Variants in CBFB observed in about 807,000 individuals in gnomAD.
CBFB encodes the protein core-binding factor subunit beta, also known as CBF-beta.
Under a neutral mutation model 30.4 loss-of-function variants are expected in CBFB, and 9 were observed. That is an observed-to-expected ratio of 0.30 (90% confidence interval 0.18 to 0.52). The LOEUF is 0.52. Ranked by LOEUF, CBFB falls within the 20% of genes least tolerant of loss-of-function variation. CBFB has a pLI of 0.97. For missense variants in CBFB, 170 were observed against 244.0 expected (o/e 0.70, Z 2.02); for synonymous variants, 94 against 84.0 (o/e 1.12, Z -0.65).
intron 3 of CBFB, among the ~76,000 whole-genome samples, chr16:67,045,514 C>G (rs1409180278): frequency 1.3e-5 from 2 of 149,048 alleles, no homozygotes; most frequent in East Asian, 1.9e-4. Flanking sequence ...AAGACTCTGT[C>G]TGAAAAAAAA....
chr16:67,072,217 T>G (rs1240171118), intron 4 of CBFB, among the ~76,000 whole-genome samples: 1 of 152,212 alleles, frequency 6.6e-6, no homozygotes, highest in Non-Finnish European at 1.5e-5. Flanking sequence ...TTTATTATAT[T>G]GCTAGCCCTA....
intron 3 of CBFB, among the ~76,000 whole-genome samples, chr16:67,062,457 A>G (rs1178349955): frequency 6.6e-6 from 1 of 150,444 alleles, no homozygotes; most frequent in Non-Finnish European, 1.5e-5. Context: ...GGTGTGAGCC[A>G]CCGTGCCCAG....
intron 2 of CBFB, among the ~76,000 whole-genome samples, chr16:67,032,390 G>C (rs1165270805): frequency 6.6e-6 from 1 of 152,180 alleles, no homozygotes; most frequent in Non-Finnish European, 1.5e-5. Context: ...AAGTATTAAA[G>C]GTTAAAGAAG....
chr16:67,067,067 C>T (rs1961079700), intron 4 of CBFB: 1 of 232,278 alleles, frequency 4.3e-6, no homozygotes, highest in South Asian at 8.6e-5. Flanking sequence ...AATATTTATT[C>T]TTGATCTTTA....
chr16:67,095,546 T>C (rs1274011426), intron 5 of CBFB, among the ~76,000 whole-genome samples: 1 of 152,030 alleles, frequency 6.6e-6, no homozygotes, highest in African/African-American at 2.4e-5. Flanking sequence ...GTTGCAGTTA[T>C]CTAACATAGG....
At chr16:67,072,791 G>A (rs1002433318) in intron 4 of CBFB, among the ~76,000 whole-genome samples, 5 of 150,368 alleles carry the variant, frequency 3.3e-5, no homozygotes, top group African/African-American at 9.8e-5. Flanking sequence ...TTTTTTTAGC[G>A]ACAGAGTCTT....
intron 1 of CBFB, 80 bp from the exon 2 acceptor site, chr16:67,029,647 A>C: frequency 7.3e-7 from 1 of 1,374,010 alleles, no homozygotes; most frequent in Non-Finnish European, 1.0e-6. Context: ...GCTTGCCCTT[A>C]TCGGCGCTGC....
intron 3 of CBFB, among the ~76,000 whole-genome samples, chr16:67,043,972 A>G (rs1966579023): frequency 6.6e-6 from 1 of 152,254 alleles, no homozygotes; most frequent in South Asian, 2.1e-4. Context: ...TCTAGCTGTC[A>G]AAAGACAAGG....
intron 4 of CBFB, among the ~76,000 whole-genome samples, chr16:67,069,296 G>T (rs1375562692): frequency 6.6e-6 from 1 of 152,074 alleles, no homozygotes; most frequent in African/African-American, 2.4e-5. Context: ...CTTGGACCCA[G>T]GAGGCAGAGG....
intron 4 of CBFB, 64 bp downstream of exon 4, chr16:67,066,862 G>A: frequency 3.2e-6 from 3 of 928,918 alleles, no homozygotes; most frequent in Non-Finnish European, 5.2e-6. Context: ...CTTTGCCTGG[G>A]GACCTATTTT....
At chr16:67,085,899 C>T (rs1310188076) in intron 5 of CBFB, among the ~76,000 whole-genome samples, 3 of 151,680 alleles carry the variant, frequency 2.0e-5, no homozygotes, top group Non-Finnish European at 2.9e-5. Context: ...AGGATGGTCT[C>T]GATCTCCTGA....
chr16:67,039,478 A>G lies in CBFB; in HGVS notation c.282+2723A>G, dbSNP rs143205733. Among the ~76,000 whole-genome samples, 57 of 152,308 alleles carry G rather than the reference A, an allele frequency of 3.7e-4. 2 individuals are homozygous for G. The highest frequency in any genetic ancestry group is 3.7e-3 in the Admixed American group (57 of 15,304). On this transcript the variant is annotated intron_variant, in intron 3 of 5. Transcript: ENST00000412916. ...GCTTAGGCCGCACTAAATCTATAAA[A>G]ATTAAGCAATTGCACTGCAATGTTA...
intron 4 of CBFB, among the ~76,000 whole-genome samples, chr16:67,069,225 C>A (rs1187473671): frequency 6.6e-6 from 1 of 151,684 alleles, no homozygotes; most frequent in Non-Finnish European, 1.5e-5. Flanking sequence ...AAAAAAAACG[C>A]CGAGTGTTGT....
chr16:67,038,290 A>T (rs1030092269), intron 3 of CBFB, among the ~76,000 whole-genome samples: 25 of 151,682 alleles, frequency 1.6e-4, no homozygotes, highest in Admixed American at 3.3e-4. Flanking sequence ...GTGTGTATAT[A>T]TATATATACA....
chr16:67,064,650 C>G (rs1180971729), intron 3 of CBFB, among the ~76,000 whole-genome samples: 4 of 151,980 alleles, frequency 2.6e-5, no homozygotes, highest in African/African-American at 4.8e-5. Context: ...TAACACCGTC[C>G]TTTCTGGGTG....
At chr16:67,036,416 C>A in intron 2 of CBFB, 1 of 467,710 alleles carries the variant, frequency 2.1e-6, no homozygotes, top group Non-Finnish European at 3.8e-6. Flanking sequence ...GATTCCATGT[C>A]TGATTTTATA....
chr16:67,030,432 C>T (rs1403952669), intron 2 of CBFB, among the ~76,000 whole-genome samples: 6 of 151,846 alleles, frequency 4.0e-5, no homozygotes, highest in Non-Finnish European at 7.4e-5. Context: ...GCAAAACCCA[C>T]GGTTGATCTC....
chr16:67,058,445 G>A lies in CBFB; in HGVS notation c.283-8237G>A, dbSNP rs114334208. ...CGTGAACCACCACGCCCGACCAACA[G>A]TTCTTTTTTTATATATTCAGCTCTT... is the stretch of plus-strand genomic sequence containing the variant. On this transcript the variant is annotated intron_variant, in intron 3 of 5. Transcript: ENST00000412916. Among the ~76,000 whole-genome samples, 999 of 152,294 alleles carry A rather than the reference G, an allele frequency of 6.6e-3. 11 individuals are homozygous for A. The highest frequency in any genetic ancestry group is 0.022 in the African/African-American group (920 of 41,558).
rs764788080 is a variant in CBFB, at chr16:67,085,673, C to CTTTTT, written c.495+3383_495+3387dup. 4.3e-4 allele frequency among the ~76,000 whole-genome samples: 50 copies of CTTTTT among 115,466 alleles called. 1 individual carries two copies. The highest frequency in any genetic ancestry group is 1.4e-3 in the African/African-American group (42 of 29,288). 75.8% of individuals were successfully genotyped at this position (115,466 alleles called of 152,430 possible). A position where few individuals can be genotyped will look rare whatever the true frequency, so the allele number is the denominator to read the frequency against. ...CTGCACCCAGCCTAAAATTTAGTAT[C>CTTTTT]TTTTTTTTTTTTTTTTTTTTTTGAG... On this transcript the variant is annotated intron_variant, in intron 5 of 5. Transcript: ENST00000412916.
Sources: gnomAD v4.1 joint callset for allele counts (sites outside exome capture counted in the v4.1 genomes callset) on GRCh38, gnomAD v4.1.1 for gene constraint, MANE v1.5 for transcripts, NCBI Gene and HGNC (gene_info 2026-07-23, HGNC 2026-07-21) for gene names.